SCML4: variants seen among roughly 807,000 people sequenced by gnomAD.
SCML4 encodes Scm polycomb group protein like 4, also known as sex comb on midleg-like protein 4.
In SCML4, 34 loss-of-function variants were observed where a neutral mutation model predicts 41.1. The ratio of observed to expected loss-of-function variants is 0.83; its 90% CI spans 0.63 to 1.10. SCML4 has a LOEUF of 1.10. Ranked by LOEUF, SCML4 falls within the 50% of genes least tolerant of loss-of-function variation. The probability of loss-of-function intolerance (pLI) is 0.00; values close to 1 mark genes in which losing one functional copy is unlikely to be tolerated. For synonymous variants in SCML4, 214 were observed against 220.9 expected, an observed-to-expected ratio of 0.97 and a Z score of 0.28; for missense variants, 522 against 534.1, an observed-to-expected ratio of 0.98 and a Z score of 0.22.
At chr6:107,843,423 T>C in the SCML4 span, among the ~76,000 whole-genome samples, 1 of 152,158 alleles carries the variant, frequency 6.6e-6, no homozygotes, top group Non-Finnish European at 1.5e-5. Context: ...AAATCTAGAA[T>C]TGGCTTCACC....
At chr6:107,767,073 C>G (rs939282943) in intron 2 of SCML4, among the ~76,000 whole-genome samples, 4 of 151,852 alleles carry the variant, frequency 2.6e-5, no homozygotes, top group African/African-American at 7.3e-5. Flanking sequence ...GCCTCAGCCT[C>G]TCCTGACATG....
upstream of SCML4, among the ~76,000 whole-genome samples, chr6:107,826,954 T>C (rs932752127): frequency 2.6e-5 from 4 of 151,902 alleles, no homozygotes; most frequent in African/African-American, 4.8e-5. Flanking sequence ...TCCCAGCTAC[T>C]TGGGAGGCTG....
At chr6:107,807,297 G>A (rs1783812847) in intron 1 of SCML4, among the ~76,000 whole-genome samples, 1 of 152,148 alleles carries the variant, frequency 6.6e-6, no homozygotes, top group Non-Finnish European at 1.5e-5. Flanking sequence ...TGACAGCTGA[G>A]TAGCTAATTG....
the SCML4 span, among the ~76,000 whole-genome samples, chr6:107,833,835 T>C: frequency 6.6e-6 from 1 of 152,216 alleles, no homozygotes; most frequent in African/African-American, 2.4e-5. Flanking sequence ...ACCATGTCCA[T>C]GACCTCGGTC....
intron 1 of SCML4, among the ~76,000 whole-genome samples, chr6:107,822,673 T>A (rs1785036204): frequency 6.6e-6 from 1 of 152,198 alleles, no homozygotes; most frequent in South Asian, 2.1e-4. Context: ...AGAGCTCATC[T>A]ACGTACACAA....
intron 1 of SCML4, among the ~76,000 whole-genome samples, chr6:107,803,488 G>A (rs1422150786): frequency 4.7e-5 from 7 of 147,370 alleles, no homozygotes; most frequent in Admixed American, 6.7e-5. Flanking sequence ...GCCTCTGCCC[G>A]GCCGCCCCTA....
At chr6:107,754,972 C>T (rs1778983288) in intron 2 of SCML4, among the ~76,000 whole-genome samples, 1 of 152,020 alleles carries the variant, frequency 6.6e-6, no homozygotes. Context: ...GGCGTGGTGG[C>T]ATATGCCTGT....
intron 1 of SCML4, among the ~76,000 whole-genome samples, chr6:107,781,510 G>A (rs961744204): frequency 6.6e-6 from 1 of 152,104 alleles, no homozygotes; most frequent in African/African-American, 2.4e-5. Context: ...AGCCTAGTAT[G>A]GTGGTGTGTG....
intron 2 of SCML4, among the ~76,000 whole-genome samples, chr6:107,766,626 T>C (rs4946858): frequency 0.31 from 47,929 of 152,190 alleles, 11,024 homozygotes; most frequent in African/African-American, 0.65. Context: ...GTCAGAGCTA[T>C]GCTCAGAATG....
intron 1 of SCML4, among the ~76,000 whole-genome samples, chr6:107,823,332 C>A (rs1156815443): frequency 1.3e-5 from 2 of 152,172 alleles, no homozygotes; most frequent in Non-Finnish European, 2.9e-5. Context: ...GCAGCCTGCA[C>A]CCTGGCCTCA....
intron 1 of SCML4, among the ~76,000 whole-genome samples, chr6:107,786,520 C>A (rs1156976674): frequency 6.6e-6 from 1 of 152,186 alleles, no homozygotes; most frequent in Non-Finnish European, 1.5e-5. Flanking sequence ...GCACCTACAA[C>A]ATGTTATTCT....
intron 7 of SCML4, among the ~76,000 whole-genome samples, chr6:107,705,755 C>A (rs1562159296): frequency 6.6e-6 from 1 of 152,180 alleles, no homozygotes; most frequent in Admixed American, 6.5e-5. Flanking sequence ...GTAGGCCCAC[C>A]TACCTTTAGC....
chr6:107,718,525 G>C (rs1243726285), intron 6 of SCML4: 1 of 152,390 alleles, frequency 6.6e-6, no homozygotes, highest in African/African-American at 2.4e-5. Context: ...AAGGACAGGA[G>C]GACATCCTAG....
Position 107,746,790 on chromosome 6 carries a change from G to A in SCML4, c.386C>T (p.Ala129Val). The change falls in exon 4 of 8, where the codon GCG becomes GTG. Residue 129 changes from alanine (A) to valine (V), a missense_variant. Physicochemically the swap from Ala to Val is moderately conservative, Grantham distance 64 (BLOSUM62 0). Transcript: ENST00000369020. ...GGCTTGGACGGCCTGCTGCAGCACC[G>A]CCGATGGCCGCTCGGGCCCAAAATG... is the stretch of plus-strand genomic sequence containing the variant. Reference protein sequence around the residue: ...PEHFGPERPSAVLQQAVQACI... With the variant: ...PEHFGPERPSVVLQQAVQACI... 1.2e-6 allele frequency: 2 copies of A among 1,614,052 alleles called. No individual in the cohort carries two copies. The highest frequency in any genetic ancestry group is 1.3e-5 in the African/African-American group (1 of 75,054).
chr6:107,761,323 T>A (rs4946856), intron 2 of SCML4, among the ~76,000 whole-genome samples: 1 of 151,836 alleles, frequency 6.6e-6, no homozygotes. Context: ...GCCAAAGACA[T>A]AGAGAAAAAT....
the SCML4 span, among the ~76,000 whole-genome samples, chr6:107,836,346 G>A: frequency 6.6e-6 from 1 of 152,140 alleles, no homozygotes; most frequent in African/African-American, 2.4e-5. Flanking sequence ...GGGGAACTAA[G>A]TCTCTTTACT....
the SCML4 span, among the ~76,000 whole-genome samples, chr6:107,830,573 A>G: frequency 6.6e-6 from 1 of 152,246 alleles, no homozygotes. Flanking sequence ...TATGTAGTGC[A>G]GAGCCTAGGC....
At chr6:107,712,150 A>T (rs1455474640) in intron 6 of SCML4, among the ~76,000 whole-genome samples, 2 of 152,192 alleles carry the variant, frequency 1.3e-5, no homozygotes, top group Admixed American at 1.3e-4. Flanking sequence ...GGGACGAGGA[A>T]TCACGGAAAT....
At chr6:107,757,119 T>G (rs980036848) in intron 2 of SCML4, among the ~76,000 whole-genome samples, 5 of 152,174 alleles carry the variant, frequency 3.3e-5, no homozygotes, top group African/African-American at 1.2e-4. Flanking sequence ...CCAGGGGGGC[T>G]GGGGAATCTG....
Sources: gnomAD v4.1 joint callset for allele counts (sites outside exome capture counted in the v4.1 genomes callset) on GRCh38, gnomAD v4.1.1 for gene constraint, MANE v1.5 for transcripts, NCBI Gene and HGNC (gene_info 2026-07-23, HGNC 2026-07-21) for gene names.